TGFA: variants seen among roughly 807,000 people sequenced by gnomAD.
The protein encoded by TGFA is protransforming growth factor alpha.
TGFA carries 12 observed loss-of-function variants against 21.7 expected under a neutral mutation model. The observed-to-expected ratio is 0.55, with a 90% CI of 0.35 to 0.90. TGFA has a LOEUF of 0.90. Among genes scored for constraint, TGFA ranks in the 40% least tolerant of loss-of-function variants. The probability of loss-of-function intolerance (pLI) is 0.01; values close to 1 mark genes in which losing one functional copy is unlikely to be tolerated. For missense variants in TGFA, 178 were observed against 210.8 expected (o/e 0.84, Z 0.96); for synonymous variants, 79 against 88.1 (o/e 0.90, Z 0.58).
chr2:70,456,514 ACT>A, intron 3 of TGFA, 26 bp from the exon 4 acceptor site: 2 of 1,580,842 alleles, frequency 1.3e-6, no homozygotes, highest in Non-Finnish European at 8.6e-7. Context: ...ACGTCAGTGC[ACT>A]CTCCTGACAA....
At chr2:70,501,634 G>A (rs1301413512) in intron 2 of TGFA, among the ~76,000 whole-genome samples, 15 of 151,976 alleles carry the variant, frequency 9.9e-5, no homozygotes, top group African/African-American at 3.1e-4. Context: ...TTTCTTCCAC[G>A]TTGTCCCCCA....
chr2:70,456,608 C>T (rs1222457011), intron 3 of TGFA, 120 bp from the exon 4 acceptor site: 2 of 1,265,660 alleles, frequency 1.6e-6, no homozygotes, highest in Non-Finnish European at 2.2e-6. Context: ...AGGGGCCCTG[C>T]CAGCTTTTGC....
intron 1 of TGFA, among the ~76,000 whole-genome samples, chr2:70,534,420 T>A (rs1275759125): frequency 1.3e-5 from 2 of 151,908 alleles, no homozygotes; most frequent in African/African-American, 4.8e-5. Context: ...GAGGAGGAGG[T>A]GAAGCCAGTG....
intron 4 of TGFA, among the ~76,000 whole-genome samples, chr2:70,455,651 T>G (rs1162160116): frequency 6.6e-6 from 1 of 152,188 alleles, no homozygotes; most frequent in Admixed American, 6.5e-5. Flanking sequence ...CTTTAGATAT[T>G]TCCAGGGAAT....
chr2:70,465,782 A>G, intron 2 of TGFA, 46 bp from the exon 3 acceptor site: 10 of 1,608,966 alleles, frequency 6.2e-6, no homozygotes, highest in Non-Finnish European at 7.6e-6. Context: ...AACAGCTGAC[A>G]TGCAAACCCC....
At chr2:70,453,601 T>C (rs1553490023) in intron 4 of TGFA, among the ~76,000 whole-genome samples, 2 of 152,196 alleles carry the variant, frequency 1.3e-5, no homozygotes, top group Non-Finnish European at 1.5e-5. Flanking sequence ...GGCTCCAGCT[T>C]CCCCAGCTGT....
intron 3 of TGFA, among the ~76,000 whole-genome samples, chr2:70,462,093 A>G (rs912169982): frequency 6.6e-6 from 1 of 152,178 alleles, no homozygotes; most frequent in Non-Finnish European, 1.5e-5. Context: ...AGGCCATGAT[A>G]GATGGGGCCT....
Position 70,530,610 on chromosome 2 carries a change from C to T in TGFA, c.41-15698G>A, listed in dbSNP as rs11466206. 1.8e-3 allele frequency among the ~76,000 whole-genome samples: 276 copies of T among 152,344 alleles called. 1 individual carries two copies. Among genetic ancestry groups the T allele is most frequent in the African/African-American group, 6.1e-3 (254 of 41,576 alleles). ...GCCCATGGGCCACAGGTTGGACAAC[C>T]TTTGTCTAAGGTAACCCCAGGTTTA... On this transcript the variant is annotated intron_variant, in intron 1 of 5. Transcript: ENST00000295400.
intron 2 of TGFA, among the ~76,000 whole-genome samples, chr2:70,483,104 T>C (rs1232034704): frequency 1.3e-5 from 2 of 152,230 alleles, no homozygotes; most frequent in East Asian, 3.8e-4. Context: ...ACTGAATATT[T>C]TGATTTTGTC....
At chr2:70,526,354 G>C (rs1475154936) in intron 1 of TGFA, among the ~76,000 whole-genome samples, 2 of 152,214 alleles carry the variant, frequency 1.3e-5, no homozygotes, top group Non-Finnish European at 1.5e-5. Context: ...GAAGCCCCAA[G>C]AGGGAAGAAA....
intron 5 of TGFA, among the ~76,000 whole-genome samples, chr2:70,451,503 G>A (rs1670058402): frequency 6.6e-6 from 1 of 152,160 alleles, no homozygotes; most frequent in Non-Finnish European, 1.5e-5. Flanking sequence ...ATCTGAGGGA[G>A]AGGGACTTCA....
intron 2 of TGFA, among the ~76,000 whole-genome samples, chr2:70,493,102 T>C (rs920542477): frequency 5.3e-5 from 8 of 152,186 alleles, no homozygotes; most frequent in African/African-American, 1.9e-4. Context: ...CCTGTGCTTA[T>C]ATATAGATGA....
At chr2:70,455,331 A>G (rs1221507865) in intron 4 of TGFA, among the ~76,000 whole-genome samples, 5 of 152,182 alleles carry the variant, frequency 3.3e-5, no homozygotes, top group African/African-American at 1.2e-4. Context: ...AATAGCCACA[A>G]ACCAAAGGGA....
chr2:70,542,145 C>A lies in TGFA; in HGVS notation c.40+11583G>T, dbSNP rs564842452. Among the ~76,000 whole-genome samples, 20 of 152,202 alleles carry A rather than the reference C, an allele frequency of 1.3e-4. No homozygotes were observed. In the East Asian group the frequency reaches 2.7e-3, roughly 21 times the overall value. ...CAGATCTTAAGCTCTGTCAACCCCC[C>A]CAAAAAATATATATCATAAATTTGA... On this transcript the variant is annotated intron_variant, in intron 1 of 5. Transcript: ENST00000295400.
intron 1 of TGFA, among the ~76,000 whole-genome samples, chr2:70,534,306 TTGGACTG>T (rs1672908656): frequency 6.6e-6 from 1 of 152,222 alleles, no homozygotes; most frequent in Non-Finnish European, 1.5e-5. Context: ...CTATCTTTAG[TTGGACTG>T]TGAAGAACTA....
At chr2:70,536,997 T>C (rs1324885401) in intron 1 of TGFA, among the ~76,000 whole-genome samples, 15 of 124,294 alleles carry the variant, frequency 1.2e-4, no homozygotes, top group Admixed American at 7.7e-4. Flanking sequence ...TTTTTCTTTT[T>C]CTTTTTTTTT....
intron 2 of TGFA, among the ~76,000 whole-genome samples, chr2:70,475,831 C>G (rs1351583871): frequency 1.3e-5 from 2 of 151,988 alleles, no homozygotes; most frequent in Non-Finnish European, 2.9e-5. Context: ...CCCGACTCCC[C>G]CTGGGAAGAC....
At chr2:70,503,513 T>A (rs1352873345) in intron 2 of TGFA, among the ~76,000 whole-genome samples, 1 of 149,926 alleles carries the variant, frequency 6.7e-6, no homozygotes, top group East Asian at 2.0e-4. Context: ...ACATGGCACA[T>A]GAATACATAT....
chr2:70,514,947 G>A, intron 1 of TGFA, 35 bp from the exon 2 acceptor site: 1 of 1,606,832 alleles, frequency 6.2e-7, no homozygotes, highest in Non-Finnish European at 8.5e-7. Flanking sequence ...AAAGGTCAGA[G>A]TCTGCTTGGC....
Sources: gnomAD v4.1 joint callset for allele counts (sites outside exome capture counted in the v4.1 genomes callset) on GRCh38, gnomAD v4.1.1 for gene constraint, MANE v1.5 for transcripts, NCBI Gene and HGNC (gene_info 2026-07-23, HGNC 2026-07-21) for gene names.